Variants in SUCLG2 observed in about 807,000 individuals in gnomAD.
SUCLG2 encodes succinate-CoA ligase GDP-forming subunit beta.
In SUCLG2, 42 loss-of-function variants were observed where a neutral mutation model predicts 47.9. The ratio of observed to expected loss-of-function variants is 0.88; its 90% CI spans 0.69 to 1.14. The LOEUF is 1.14. Among genes scored for constraint, SUCLG2 ranks in the 50% most tolerant of loss-of-function variants. SUCLG2 has a pLI of 0.00. For missense variants in SUCLG2, 571 were observed against 525.9 expected (o/e 1.09, Z -0.84); for synonymous variants, 195 against 197.3 (o/e 0.99, Z 0.10).
At chr3:67,393,892 A>G (rs375991750) in intron 10 of SUCLG2, among the ~76,000 whole-genome samples, 10,935 of 152,192 alleles carry the variant, frequency 0.072, 395 homozygotes, top group Middle Eastern at 0.14. Flanking sequence ...AGCCACCGCC[A>G]CTGATACCCA....
At chr3:67,419,618 A>C (rs566153241) in intron 9 of SUCLG2, among the ~76,000 whole-genome samples, 1 of 152,268 alleles carries the variant, frequency 6.6e-6, no homozygotes, top group East Asian at 1.9e-4. Flanking sequence ...TGAAATGTTA[A>C]TGAGAAGAGA....
At chr3:67,514,590 A>T (rs1357884297) in intron 6 of SUCLG2, among the ~76,000 whole-genome samples, 1 of 152,202 alleles carries the variant, frequency 6.6e-6, no homozygotes, top group Non-Finnish European at 1.5e-5. Context: ...ATGTTTTCAG[A>T]AATGAACAGT....
chr3:67,500,899 A>C (rs1432767784), intron 7 of SUCLG2, among the ~76,000 whole-genome samples: 5 of 152,226 alleles, frequency 3.3e-5, no homozygotes, highest in Non-Finnish European at 7.3e-5. Context: ...TACAGTTACA[A>C]GCTGCTTCAG....
chr3:67,604,567 T>G lies in SUCLG2; in HGVS notation c.226+4888A>C, dbSNP rs1200604491. Among the ~76,000 whole-genome samples the G allele has an allele frequency of 2.0e-5, 3 of 152,190 alleles. No homozygotes were observed. In the South Asian group the frequency reaches 6.2e-4, roughly 32 times the overall value. ...CTTGTAAAATGACATAAACAATGAC[T>G]GAATTTGGCGACCAACTGAATATAG... On this transcript the variant is annotated intron_variant, in intron 2 of 10. Coordinates refer to ENST00000307227, the MANE Select transcript of SUCLG2 (RefSeq NM_003848.4).
intron 9 of SUCLG2, among the ~76,000 whole-genome samples, chr3:67,443,975 CCCCGCCCGGCCAGCCG>C (rs1334785427): frequency 4.3e-5 from 5 of 117,082 alleles, no homozygotes; most frequent in African/African-American, 1.5e-4. Context: ...GGGGTCAGCC[CCCCGCCCGGCCAGCCG>C]CCCCATCCGG....
Position 67,652,376 on chromosome 3 carries a change from G to C in SUCLG2, c.84+2127C>G, listed in dbSNP as rs116466120. ...GGTATAAAATAGGTCTGGGCCAAGA[G>C]TGGCAACAGATTTCTGAGACACTTG... On this transcript the variant is annotated intron_variant, in intron 1 of 10. Coordinates refer to ENST00000307227, the MANE Select transcript of SUCLG2 (RefSeq NM_003848.4). 4.0e-3 allele frequency among the ~76,000 whole-genome samples: 603 copies of C among 152,340 alleles called. 7 individuals are homozygous for C. Among genetic ancestry groups the C allele is most frequent in the African/African-American group, 0.014 (575 of 41,582 alleles).
chr3:67,634,467 GCAAA>G (rs1700976236), intron 1 of SUCLG2, among the ~76,000 whole-genome samples: 1 of 152,120 alleles, frequency 6.6e-6, no homozygotes, highest in Non-Finnish European at 1.5e-5. Flanking sequence ...GAATTCTGGT[GCAAA>G]CAAAGTCAAC....
intron 9 of SUCLG2, among the ~76,000 whole-genome samples, chr3:67,468,489 C>A (rs1289471138): frequency 6.6e-6 from 1 of 152,148 alleles, no homozygotes; most frequent in African/African-American, 2.4e-5. Flanking sequence ...CTGGAAGTTT[C>A]CATTTCCTGC....
intron 9 of SUCLG2, among the ~76,000 whole-genome samples, chr3:67,421,095 A>G (rs1030146276): frequency 5.3e-5 from 8 of 152,300 alleles, no homozygotes; most frequent in African/African-American, 1.4e-4. Flanking sequence ...CACAGAGGTT[A>G]GTAACTTGCC....
chr3:67,464,707 T>G (rs986322050), intron 9 of SUCLG2, among the ~76,000 whole-genome samples: 3 of 152,254 alleles, frequency 2.0e-5, no homozygotes, highest in African/African-American at 7.2e-5. Context: ...AAATTCCATT[T>G]ATTTGTTTTT....
intron 2 of SUCLG2, among the ~76,000 whole-genome samples, chr3:67,582,116 A>T (rs1446634812): frequency 3.9e-5 from 6 of 152,068 alleles, no homozygotes; most frequent in African/African-American, 7.2e-5. Flanking sequence ...ATATTTCTTT[A>T]AAAAAAACTT....
chr3:67,487,519 A>ACACACACAC (rs1412826836), intron 9 of SUCLG2, among the ~76,000 whole-genome samples: 3 of 58,434 alleles, frequency 5.1e-5, no homozygotes, highest in Non-Finnish European at 1.1e-4. Context: ...CACACACACA[A>ACACACACAC]ACACACACAC....
intron 2 of SUCLG2, among the ~76,000 whole-genome samples, chr3:67,535,083 G>T (rs1350368810): frequency 6.6e-6 from 1 of 152,098 alleles, no homozygotes; most frequent in Non-Finnish European, 1.5e-5. Flanking sequence ...CATGGAAGAT[G>T]AAAAGCATTT....
intron 7 of SUCLG2, among the ~76,000 whole-genome samples, chr3:67,502,726 G>A (rs1029845863): frequency 6.6e-6 from 1 of 152,150 alleles, no homozygotes; most frequent in Admixed American, 6.5e-5. Context: ...TGAGATTTCT[G>A]TTTAGAGCAA....
chr3:67,622,143 A>C (rs1406517418), intron 1 of SUCLG2, among the ~76,000 whole-genome samples: 1 of 152,254 alleles, frequency 6.6e-6, no homozygotes, highest in African/African-American at 2.4e-5. Context: ...AAGGATTAAT[A>C]AGATTGGCCT....
At chr3:67,469,333 C>T (rs576623798) in intron 9 of SUCLG2, among the ~76,000 whole-genome samples, 2 of 152,182 alleles carry the variant, frequency 1.3e-5, no homozygotes, top group African/African-American at 4.8e-5. Context: ...CCTAACTGGA[C>T]ATAAGTTCTT....
intron 2 of SUCLG2, among the ~76,000 whole-genome samples, chr3:67,558,146 T>A (rs1707209706): frequency 6.6e-6 from 1 of 152,174 alleles, no homozygotes. Flanking sequence ...AATTACATCA[T>A]GCTGAGTGTG....
Position 67,609,611 on chromosome 3 carries a change from GGA to G in SUCLG2, c.85-17_85-16del. Reference sequence around the variant, plus strand: ...AATTGAACTGCCTACAGAAATTGAAGGAGAGAGGTAAGAACATTCATTAATAG... The same window carrying G: ...AATTGAACTGCCTACAGAAATTGAAGGAGAGGTAAGAACATTCATTAATAG... On this transcript the variant is annotated splice_polypyrimidine_tract_variant and intron_variant, in intron 1 of 10. Coordinates refer to ENST00000307227, the MANE Select transcript of SUCLG2 (RefSeq NM_003848.4). 6.2e-7 allele frequency: 1 copy of G among 1,611,360 alleles called. No individual in the cohort carries two copies. Among genetic ancestry groups the G allele is most frequent in the Non-Finnish European group, 8.5e-7 (1 of 1,179,056 alleles).
At chr3:67,444,017 G>C (rs1383024806) in intron 9 of SUCLG2, among the ~76,000 whole-genome samples, 1 of 123,820 alleles carries the variant, frequency 8.1e-6, no homozygotes, top group Non-Finnish European at 1.8e-5. Flanking sequence ...AGGTGGGGGG[G>C]TCAGCCCCCC....
Sources: gnomAD v4.1 joint callset for allele counts (sites outside exome capture counted in the v4.1 genomes callset) on GRCh38, gnomAD v4.1.1 for gene constraint, MANE v1.5 for transcripts, NCBI Gene and HGNC (gene_info 2026-07-23, HGNC 2026-07-21) for gene names.